The following CHRM3 variants were observed in gnomAD, a reference collection of about 807,000 sequenced individuals.
The protein encoded by CHRM3 is muscarinic acetylcholine receptor M3.
A neutral mutation model predicts 41.8 loss-of-function variants in CHRM3; 11 were observed. That is an observed-to-expected ratio of 0.26 (90% CI 0.17 to 0.44). CHRM3 has a LOEUF of 0.44. CHRM3 is among the 20% of genes least tolerant of loss of function. The pLI is 1.00. For synonymous variants in CHRM3, 297 were observed against 301.4 expected, an observed-to-expected ratio of 0.99 and a Z score of 0.15; for missense variants, 571 against 745.4, an observed-to-expected ratio of 0.77 and a Z score of 2.72.
At chr1:239,515,674 A>G (rs1181595901) in intron 2 of CHRM3, among the ~76,000 whole-genome samples, 2 of 152,186 alleles carry the variant, frequency 1.3e-5, no homozygotes, top group African/African-American at 2.4e-5. Flanking sequence ...AACTCCTTGC[A>G]TCCTGTTTTT....
intron 5 of CHRM3, among the ~76,000 whole-genome samples, chr1:239,764,775 T>C (rs910163603): frequency 3.3e-5 from 5 of 152,252 alleles, no homozygotes; most frequent in Non-Finnish European, 2.9e-5. Flanking sequence ...TAGCCACGTC[T>C]CATGAGATTT....
At chr1:239,439,894 G>A (rs1001115319) in intron 1 of CHRM3, among the ~76,000 whole-genome samples, 5 of 152,102 alleles carry the variant, frequency 3.3e-5, no homozygotes, top group African/African-American at 9.7e-5. Context: ...GTCGATATCA[G>A]GAAGTGTAAA....
At chr1:239,573,291 T>C (rs1414107406) in intron 3 of CHRM3, among the ~76,000 whole-genome samples, 1 of 152,198 alleles carries the variant, frequency 6.6e-6, no homozygotes, top group East Asian at 1.9e-4. Flanking sequence ...GAGTTCCTTC[T>C]GCGTGAAGAA....
intron 4 of CHRM3, among the ~76,000 whole-genome samples, chr1:239,662,930 T>TCTTCTTCTTCTTCTTCTTCTC (rs972963044): frequency 3.4e-5 from 5 of 148,378 alleles, no homozygotes; most frequent in African/African-American, 1.2e-4. Context: ...TTCTTCTTCT[T>TCTTCTTCTTCTTCTTCTTCTC]CTCCTCTTCT....
intron 6 of CHRM3, among the ~76,000 whole-genome samples, chr1:239,830,486 G>A (rs982226008): frequency 1.4e-4 from 22 of 152,068 alleles, no homozygotes; most frequent in Non-Finnish European, 1.0e-4. Flanking sequence ...GGCGGATCAC[G>A]AGCTCAGGAG....
intron 5 of CHRM3, among the ~76,000 whole-genome samples, chr1:239,771,322 C>T (rs1198561177): frequency 6.6e-6 from 1 of 152,110 alleles, no homozygotes; most frequent in Non-Finnish European, 1.5e-5. Context: ...CTCCTCTCTG[C>T]CCTGGATTAT....
chr1:239,480,029 A>G (rs1666728845), intron 1 of CHRM3, among the ~76,000 whole-genome samples: 1 of 152,268 alleles, frequency 6.6e-6, no homozygotes, highest in Non-Finnish European at 1.5e-5. Flanking sequence ...TTATAATCTT[A>G]TGGGACCATC....
chr1:239,414,825 T>C (rs1257544810), intron 1 of CHRM3, among the ~76,000 whole-genome samples: 3 of 152,236 alleles, frequency 2.0e-5, no homozygotes, highest in Non-Finnish European at 4.4e-5. Flanking sequence ...TACAGAATAA[T>C]TTATTGGTAA....
intron 3 of CHRM3, among the ~76,000 whole-genome samples, chr1:239,549,554 G>A (rs1022736611): frequency 2.1e-4 from 31 of 150,572 alleles, no homozygotes; most frequent in Non-Finnish European, 3.5e-4. Flanking sequence ...CCAGCTGCCC[G>A]GGAGGCTGAG....
chr1:239,767,002 A>G (rs972309484), intron 5 of CHRM3, among the ~76,000 whole-genome samples: 1 of 152,174 alleles, frequency 6.6e-6, no homozygotes, highest in Non-Finnish European at 1.5e-5. Context: ...ATGAACCACC[A>G]TGCTTGGCCT....
chr1:239,844,343 A>G (rs1674088772), intron 6 of CHRM3, among the ~76,000 whole-genome samples: 2 of 152,186 alleles, frequency 1.3e-5, no homozygotes, highest in Admixed American at 6.5e-5. Context: ...GGTGAACTCA[A>G]TATGAGTCAT....
intron 5 of CHRM3, among the ~76,000 whole-genome samples, chr1:239,800,070 G>A (rs572927899): frequency 6.6e-6 from 1 of 152,256 alleles, no homozygotes; most frequent in South Asian, 2.1e-4. Flanking sequence ...GTGTGTGAAT[G>A]TAAAAATGAT....
At chr1:239,464,729 C>T (rs1665600614) in intron 1 of CHRM3, among the ~76,000 whole-genome samples, 1 of 152,144 alleles carries the variant, frequency 6.6e-6, no homozygotes, top group African/African-American at 2.4e-5. Flanking sequence ...CCTCATGTGA[C>T]ATGCAGTTTC....
At position 239,908,618 on chromosome 1, in the gene CHRM3, G is replaced by T. The variant is rs1185662745; in HGVS notation, c.1167G>T (p.Leu389=). 9 of 1,608,838 alleles carry T rather than the reference G, an allele frequency of 5.6e-6. No homozygotes were observed. Among genetic ancestry groups the T allele is most frequent in the Non-Finnish European group, 7.6e-6 (9 of 1,177,626 alleles). The change falls in exon 7 of 7, where the codon CTG becomes CTT. Residue 389 remains leucine (L), a synonymous_variant. Coordinates refer to ENST00000676153, the MANE Select transcript of CHRM3 (RefSeq NM_001375978.1). This position sits in a 1 kb window ranked among gnomAD's most constrained non-coding sequence, Gnocchi z 7.2. ...CCAAGTTACCCTCATCGGACAACCT[G>T]CAGGTGCCTGAGGAGGAGCTGGGGA... ...NSTKLPSSDN[L]QVPEEELGMV... is the part of the protein sequence containing the mutation.
At chr1:239,763,812 C>G (rs1666995009) in intron 5 of CHRM3, among the ~76,000 whole-genome samples, 1 of 151,690 alleles carries the variant, frequency 6.6e-6, no homozygotes, top group African/African-American at 2.4e-5. Context: ...TCCTTGGGGG[C>G]TGGCTGGACA....
At chr1:239,474,682 T>C (rs572289600) in intron 1 of CHRM3, among the ~76,000 whole-genome samples, 5 of 152,194 alleles carry the variant, frequency 3.3e-5, no homozygotes, top group African/African-American at 9.6e-5. Context: ...ATAAATAACT[T>C]GATTCAAACT....
intron 2 of CHRM3, among the ~76,000 whole-genome samples, chr1:239,522,477 T>C (rs1669719148): frequency 6.6e-6 from 1 of 152,202 alleles, no homozygotes. Context: ...GCCAAACTCT[T>C]CCTAAGTCCT....
In CHRM3 at chr1:239,759,975, C is replaced by T. The variant is rs563180118; in HGVS notation, c.-146-67277C>T. 2.8e-4 allele frequency among the ~76,000 whole-genome samples: 42 copies of T among 152,108 alleles called. 1 individual carries two copies. In the South Asian group the frequency reaches 7.7e-3, roughly 28 times the overall value. Reference sequence around the variant, plus strand: ...CATCGCCTAGGCTGGAGTGCAGTGGCGCGATCTAGACTCACTGCAAGCTCT... The same window carrying T: ...CATCGCCTAGGCTGGAGTGCAGTGGTGCGATCTAGACTCACTGCAAGCTCT... On this transcript the variant is annotated intron_variant, in intron 5 of 6. Transcript: ENST00000676153.
At chr1:239,429,839 C>T (rs1209713552) in intron 1 of CHRM3, among the ~76,000 whole-genome samples, 5 of 130,260 alleles carry the variant, frequency 3.8e-5, no homozygotes, top group African/African-American at 5.8e-5. Flanking sequence ...TTTAAGTTTT[C>T]TTAAACTTCC....
Sources: gnomAD v4.1 joint callset for allele counts (sites outside exome capture counted in the v4.1 genomes callset) on GRCh38, gnomAD v4.1.1 for gene constraint, Gnocchi (gnomAD v3.1) non-coding constraint, MANE v1.5 for transcripts, NCBI Gene and HGNC (gene_info 2026-07-23, HGNC 2026-07-21) for gene names.